The following LMF1 variants were observed in gnomAD, a reference collection of about 807,000 sequenced individuals.
LMF1 encodes the protein transmembrane protein 112.
LMF1 carries 68 observed loss-of-function variants against 60.6 expected under a neutral mutation model. That is an observed-to-expected ratio of 1.12 (90% CI 0.92 to 1.37). The LOEUF (loss-of-function observed/expected upper bound fraction) is 1.37, where lower values mean the gene tolerates loss of function less well. LMF1 is among the 40% of genes most tolerant of loss of function. The pLI, the probability that LMF1 is intolerant of heterozygous loss-of-function variation, is 0.00. For missense variants in LMF1, 948 were observed against 767.2 expected, an observed-to-expected ratio of 1.24 and a Z score of -2.78; for synonymous variants, 418 against 324.7, an observed-to-expected ratio of 1.29 and a Z score of -3.09.
chr16:914,948 G>A (rs1211173439), intron 3 of LMF1, among the ~76,000 whole-genome samples: 3 of 152,234 alleles, frequency 2.0e-5, no homozygotes, highest in African/African-American at 7.2e-5. Context: ...CTGACGCAGA[G>A]GGCCACACAG....
At chr16:947,856 A>G (rs1169580151) in intron 2 of LMF1, among the ~76,000 whole-genome samples, 3 of 148,790 alleles carry the variant, frequency 2.0e-5, no homozygotes, top group Non-Finnish European at 4.4e-5. Flanking sequence ...CGACAGAGTT[A>G]GAGACAATGA....
At chr16:969,198 C>T (rs2072988236) in intron 1 of LMF1, among the ~76,000 whole-genome samples, 1 of 152,038 alleles carries the variant, frequency 6.6e-6, no homozygotes, top group South Asian at 2.1e-4. Context: ...GCCTATAATC[C>T]CAGCTACTCG....
intron 5 of LMF1, among the ~76,000 whole-genome samples, chr16:887,730 C>T (rs563417057): frequency 2.6e-5 from 4 of 152,254 alleles, no homozygotes; most frequent in South Asian, 4.2e-4. Context: ...GCAGGGTGGT[C>T]GCAGGTACCC....
intron 5 of LMF1, chr16:885,110 T>C (rs1158581624): frequency 6.6e-6 from 1 of 152,236 alleles, no homozygotes; most frequent in African/African-American, 2.4e-5. Context: ...AGGAAAATAC[T>C]GTTGGGAGAA....
chr16:919,474 C>T (rs1268611173), intron 3 of LMF1, among the ~76,000 whole-genome samples: 1 of 152,176 alleles, frequency 6.6e-6, no homozygotes, highest in African/African-American at 2.4e-5. Flanking sequence ...CCAGCGCTCG[C>T]GTGAGGACAG....
chr16:921,465 G>A (rs1040962405), intron 3 of LMF1, among the ~76,000 whole-genome samples: 1 of 152,230 alleles, frequency 6.6e-6, no homozygotes, highest in African/African-American at 2.4e-5. Context: ...CAAACCCCCC[G>A]GCGGAGTGTG....
chr16:871,433 G>C, intron 6 of LMF1, 92 bp from the exon 7 acceptor site: 6 of 1,275,768 alleles, frequency 4.7e-6, no homozygotes, highest in Non-Finnish European at 5.5e-6. Flanking sequence ...GGAGGGGGGA[G>C]GGAACCTGCA....
At chr16:900,132 G>A (rs1213960234) in intron 4 of LMF1, 1 of 152,210 alleles carries the variant, frequency 6.6e-6, no homozygotes, top group Non-Finnish European at 1.5e-5. Flanking sequence ...TTGTCACACT[G>A]ACTGGCCTAA....
rs1056952570 is a variant in LMF1 at position 860,465 on chromosome 16, G to A, written c.1530-5759C>T. Among the ~76,000 whole-genome samples, 3 of 151,794 alleles carry A rather than the reference G, an allele frequency of 2.0e-5. No homozygotes were observed. The East Asian group carries it at 5.8e-4, about 29-fold the overall frequency. On this transcript the variant is annotated intron_variant, in intron 10 of 10. Coordinates refer to ENST00000262301, the MANE Select transcript of LMF1 (RefSeq NM_022773.4). ...AGTGATCCTCCCACCTCAGCCTCCC[G>A]AGTAGCTGGGACTACAGGCATGTGC...
At chr16:861,628 T>C (rs1039357522) in intron 10 of LMF1, among the ~76,000 whole-genome samples, 1 of 152,198 alleles carries the variant, frequency 6.6e-6, no homozygotes, top group Non-Finnish European at 1.5e-5. Flanking sequence ...AGTGCTGGGA[T>C]TGCAGGTGTG....
intron 5 of LMF1, chr16:883,882 A>C (rs1053882871): frequency 6.6e-6 from 1 of 151,740 alleles, no homozygotes; most frequent in Non-Finnish European, 1.5e-5. Flanking sequence ...CTGCCTATAA[A>C]TGTTAATTAG....
chr16:921,031 C>T (rs1447563498), intron 3 of LMF1: 2 of 152,276 alleles, frequency 1.3e-5, no homozygotes, highest in African/African-American at 4.8e-5. Context: ...GAGCTGGCCT[C>T]GGTCAGCAGG....
chr16:925,399 A>G (rs1192305480), intron 3 of LMF1, among the ~76,000 whole-genome samples: 1 of 152,230 alleles, frequency 6.6e-6, no homozygotes, highest in Non-Finnish European at 1.5e-5. Flanking sequence ...CAAAATGTTA[A>G]TGATCGTGTG....
intron 3 of LMF1, among the ~76,000 whole-genome samples, chr16:929,493 C>T (rs1352901591): frequency 1.3e-5 from 2 of 152,250 alleles, no homozygotes; most frequent in Admixed American, 6.5e-5. Flanking sequence ...CCCCACGGAG[C>T]CCTGCCACCC....
intron 4 of LMF1, among the ~76,000 whole-genome samples, chr16:907,623 C>CGG (rs1407221931): frequency 6.6e-6 from 1 of 152,098 alleles, no homozygotes; most frequent in Non-Finnish European, 1.5e-5. Context: ...GTGCTGGTTT[C>CGG]TGAGTGAATC....
At chr16:975,480 C>T (rs1053688902), upstream of LMF1, among the ~76,000 whole-genome samples, 28 of 152,232 alleles carry the variant, frequency 1.8e-4, no homozygotes, top group Admixed American at 1.2e-3. Flanking sequence ...ATTAATGCTG[C>T]GTAACAAACA....
chr16:874,583 A>G lies in LMF1; in HGVS notation c.898-3242T>C, dbSNP rs1430129110. ...AGGCAGCGGCCCCAGGGCCCCGCGGAACCCTCCGGAACAGCTGTGTAAACT... is the reference window on the plus strand; with the variant it reads ...AGGCAGCGGCCCCAGGGCCCCGCGGGACCCTCCGGAACAGCTGTGTAAACT... On this transcript the variant is annotated intron_variant, in intron 6 of 10. Coordinates refer to ENST00000262301, the MANE Select transcript of LMF1 (RefSeq NM_022773.4). This position sits in a 1 kb window ranked among gnomAD's most constrained non-coding sequence, Gnocchi z 4.1. 2.0e-5 allele frequency among the ~76,000 whole-genome samples: 3 copies of G among 152,140 alleles called. No individual in the cohort carries two copies. Among genetic ancestry groups the G allele is most frequent in the African/African-American group, 7.2e-5 (3 of 41,426 alleles).
chr16:931,472 C>T (rs1467954633), intron 3 of LMF1, among the ~76,000 whole-genome samples: 4 of 152,248 alleles, frequency 2.6e-5, no homozygotes, highest in South Asian at 2.1e-4. Context: ...TGGACACAGA[C>T]GCACACGCGG....
chr16:970,856 G>C lies in LMF1; in HGVS notation c.125C>G (p.Ala42Gly), dbSNP rs549466264. 1.5e-5 allele frequency: 23 copies of C among 1,558,480 alleles called. No homozygotes were observed. Among genetic ancestry groups the C allele is most frequent in the Non-Finnish European group, 1.9e-5 (22 of 1,153,412 alleles). The stretch of plus-strand genomic sequence containing the variant: ...CCAGAAGGTGCCCGTGTGGAGATGG[G>C]CCGGAGAGCCTGCGGGGCCACGCCC... ...APGRGPAGSP[A>G]HLHTGTFWLT... is the part of the protein sequence containing the mutation. The change falls in exon 1 of 11, where the codon GCC (alanine) becomes GGC (glycine). Residue 42 changes from alanine to glycine, a missense_variant. By Grantham distance (60) the Ala-to-Gly change is moderately conservative. Transcript: ENST00000262301.
Sources: allele counts gnomAD v4.1 joint callset (sites outside exome capture counted in the v4.1 genomes callset), GRCh38; gene constraint gnomAD v4.1.1; non-coding constraint Gnocchi (gnomAD v3.1); transcripts MANE v1.5; gene names NCBI Gene and HGNC (gene_info 2026-07-23, HGNC 2026-07-21).